PAX7: variants seen among roughly 807,000 people sequenced by gnomAD.
The protein encoded by PAX7 is paired box 7.
In PAX7, 18 loss-of-function variants were observed where a neutral mutation model predicts 50.7. The observed-to-expected ratio is 0.36, with a 90% CI of 0.25 to 0.53. The LOEUF is 0.53. Ranked by LOEUF, PAX7 falls within the 20% of genes least tolerant of loss-of-function variation. PAX7 has a pLI of 0.93. For synonymous variants in PAX7, 310 were observed against 290.4 expected (o/e 1.07, Z -0.69); for missense variants, 644 against 702.9 (o/e 0.92, Z 0.95).
intron 5 of PAX7, among the ~76,000 whole-genome samples, chr1:18,698,978 C>T (rs2089182461): frequency 6.6e-6 from 1 of 152,156 alleles, no homozygotes; most frequent in Admixed American, 6.5e-5. Context: ...CTTGGGTGAT[C>T]AGGTGCCAGG....
chr1:18,713,437 T>C (rs2089379974), intron 7 of PAX7, among the ~76,000 whole-genome samples: 1 of 152,194 alleles, frequency 6.6e-6, no homozygotes. Flanking sequence ...ACAGCAGGCC[T>C]GGTGAGACAC....
intron 1 of PAX7, among the ~76,000 whole-genome samples, chr1:18,633,343 T>TC (rs200077087): frequency 6.6e-6 from 1 of 152,016 alleles, no homozygotes; most frequent in Non-Finnish European, 1.5e-5. Flanking sequence ...GCGCTGGGTG[T>TC]CCCCCCAATC....
At chr1:18,666,398 C>T (rs1039934935) in intron 4 of PAX7, among the ~76,000 whole-genome samples, 8 of 152,168 alleles carry the variant, frequency 5.3e-5, no homozygotes, top group African/African-American at 1.9e-4. Flanking sequence ...ACCTCATAGG[C>T]TCTCCAAAGA....
intron 4 of PAX7, among the ~76,000 whole-genome samples, chr1:18,645,540 C>T (rs1050882298): frequency 6.6e-6 from 1 of 152,186 alleles, no homozygotes; most frequent in Non-Finnish European, 1.5e-5. Flanking sequence ...CAAGCCTCCG[C>T]GAGGGCGACA....
rs1386364200 is a variant in PAX7 at position 18,631,651 on chromosome 1, G to A, written c.48G>A (p.Pro16=). The A allele has an allele frequency of 1.2e-6, 2 of 1,612,942 alleles. No individual in the cohort carries two copies. The highest frequency in any genetic ancestry group is 1.7e-5 in the Admixed American group (1 of 59,946). ...GTVPRMMRPA[P]GQNYPRTGFP... Reference sequence around the variant, plus strand: ...TACCGAGAATGATGCGGCCGGCTCCGGGGCAGAACTACCCCCGCACGGGAT... The same window carrying A: ...TACCGAGAATGATGCGGCCGGCTCCAGGGCAGAACTACCCCCGCACGGGAT... Residue 16 remains proline (P), a synonymous_variant, in exon 1 of 9, where the codon CCG becomes CCA. Coordinates refer to ENST00000420770, the MANE Select transcript of PAX7 (RefSeq NM_001135254.2).
chr1:18,691,749 T>C lies in PAX7; in HGVS notation c.587-5T>C, dbSNP rs1037032667. On this transcript the variant is annotated splice_region_variant and splice_polypyrimidine_tract_variant and intron_variant, in intron 4 of 8. Transcript: ENST00000420770. ...GCCTTCTCCCTCCCTCTCCTCCGGC[T>C]GTAGGGAACCGGCTGGACGAGGGCT... 13 of 1,566,716 alleles carry C rather than the reference T, an allele frequency of 8.3e-6. No individual in the cohort carries two copies. Among genetic ancestry groups the C allele is most frequent in the South Asian group, 1.2e-5 (1 of 85,340 alleles).
At chr1:18,656,857 T>C (rs184417760) in intron 4 of PAX7, among the ~76,000 whole-genome samples, 1,661 of 151,842 alleles carry the variant, frequency 0.011, 29 homozygotes, top group Non-Finnish European at 0.012. Context: ...CCGGGCATGG[T>C]GGGGCACGCC....
Position 18,636,510 on chromosome 1 carries a change from G to A in PAX7, c.586+139G>A. On this transcript the variant is annotated intron_variant, in intron 4 of 8. Coordinates refer to ENST00000420770, the MANE Select transcript of PAX7 (RefSeq NM_001135254.2). The surrounding 1 kb of genome is among the most constrained non-coding windows in gnomAD (Gnocchi z 5.1). ...AACTCTCATGCTGCGGGGCAGCTGG[G>A]AGCCGCTCAGGCTTTGCCGACAGCG... The A allele has an allele frequency of 3.5e-6, 4 of 1,129,384 alleles. No homozygotes were observed. The highest frequency in any genetic ancestry group is 5.0e-6 in the Non-Finnish European group (4 of 798,224). 70.0% of individuals were successfully genotyped at this position (1,129,384 alleles called of 1,614,324 possible).
chr1:18,687,979 A>C (rs569805041), intron 4 of PAX7, among the ~76,000 whole-genome samples: 2 of 152,270 alleles, frequency 1.3e-5, no homozygotes, highest in East Asian at 3.9e-4. Context: ...TGCAGGACCC[A>C]GGGATCAGCT....
At chr1:18,729,370 A>G (rs1266860784) in intron 7 of PAX7, among the ~76,000 whole-genome samples, 1 of 152,148 alleles carries the variant, frequency 6.6e-6, no homozygotes, top group African/African-American at 2.4e-5. Context: ...TGGGGTGCCA[A>G]GTCACTCTCC....
At chr1:18,701,057 A>G (rs1050006217) in intron 6 of PAX7, among the ~76,000 whole-genome samples, 12 of 152,162 alleles carry the variant, frequency 7.9e-5, no homozygotes, top group Admixed American at 7.9e-4. Context: ...CTCAAATGGT[A>G]CCAGGGATCT....
chr1:18,724,257 G>A (rs776903809), intron 7 of PAX7, among the ~76,000 whole-genome samples: 8 of 152,264 alleles, frequency 5.3e-5, no homozygotes, highest in Non-Finnish European at 7.3e-5. Flanking sequence ...CTTCCACAGA[G>A]AAAACTGGGC....
intron 4 of PAX7, among the ~76,000 whole-genome samples, chr1:18,669,086 C>T (rs1157205298): frequency 2.0e-5 from 3 of 152,196 alleles, no homozygotes; most frequent in Admixed American, 1.3e-4. Context: ...CTTGGGGGCC[C>T]TTGGGAGGGA....
chr1:18,688,617 C>T (rs1008488883), intron 4 of PAX7, among the ~76,000 whole-genome samples: 2 of 152,146 alleles, frequency 1.3e-5, no homozygotes, highest in African/African-American at 4.8e-5. Context: ...TTAGTATTTC[C>T]AGGCCAGGCA....
Position 18,684,808 on chromosome 1 carries a change from G to A in PAX7, c.587-6946G>A, listed in dbSNP as rs548032152. 8.5e-5 allele frequency among the ~76,000 whole-genome samples: 13 copies of A among 152,328 alleles called. No homozygotes were observed. The South Asian group carries it at 1.2e-3, about 15-fold the overall frequency. On this transcript the variant is annotated intron_variant, in intron 4 of 8. Coordinates refer to ENST00000420770, the MANE Select transcript of PAX7 (RefSeq NM_001135254.2). The stretch of plus-strand genomic sequence containing the variant: ...AAGAAAAGCTGGGTTGGGAGGCTGC[G>A]GGAGAGGGGAGCGCAGAAGCAGGGG...
chr1:18,655,299 G>C (rs138997080), intron 4 of PAX7, among the ~76,000 whole-genome samples: 1 of 152,290 alleles, frequency 6.6e-6, no homozygotes, highest in Admixed American at 6.5e-5. Flanking sequence ...CAGGTGGCAC[G>C]TCCCCTCCGT....
In PAX7 at chr1:18,686,893, A is replaced by T. The variant is rs1233410554; in HGVS notation, c.587-4861A>T. On this transcript the variant is annotated intron_variant, in intron 4 of 8. Transcript: ENST00000420770. ...ATCATCTTTATTTTATTTTATTATT[A>T]TTATTATTATTTTTTGAGACAGAGT... Among the ~76,000 whole-genome samples, 387 of 50,784 alleles carry T rather than the reference A, an allele frequency of 7.6e-3. 3 individuals carry two copies. Among genetic ancestry groups the T allele is most frequent in the Admixed American group, 6.6e-3 (33 of 5,020 alleles). The allele number at this position is 50,784 out of a possible 152,430, so 33.3% of individuals were successfully genotyped here.
intron 8 of PAX7, among the ~76,000 whole-genome samples, chr1:18,740,661 A>AT (rs1931084807): frequency 1.3e-5 from 2 of 152,316 alleles, no homozygotes; most frequent in Admixed American, 1.3e-4. Flanking sequence ...TATCAAAAGG[A>AT]TAGGAATCAG....
At chr1:18,640,909 T>C (rs2088242512) in intron 4 of PAX7, among the ~76,000 whole-genome samples, 1 of 150,068 alleles carries the variant, frequency 6.7e-6, no homozygotes, top group South Asian at 2.1e-4. Context: ...CGGAGGGGGC[T>C]CCCGGCGGAG....
Sources: allele counts gnomAD v4.1 joint callset (sites outside exome capture counted in the v4.1 genomes callset), GRCh38; gene constraint gnomAD v4.1.1; non-coding constraint Gnocchi (gnomAD v3.1); transcripts MANE v1.5; gene names NCBI Gene and HGNC (gene_info 2026-07-23, HGNC 2026-07-21).